Variants in ACTA1 observed in about 807,000 individuals in gnomAD.
ACTA1 encodes actin alpha 1, skeletal muscle.
A neutral mutation model predicts 35.8 loss-of-function variants in ACTA1; 25 were observed. That is an observed-to-expected ratio of 0.70 (90% CI 0.51 to 0.97). The LOEUF (loss-of-function observed/expected upper bound fraction) is 0.97. ACTA1 is among the 50% of genes least tolerant of loss of function. ACTA1 has a pLI of 0.00. For missense variants in ACTA1, 174 were observed against 533.0 expected, an observed-to-expected ratio of 0.33 and a Z score of 6.63; for synonymous variants, 219 against 217.1, an observed-to-expected ratio of 1.01 and a Z score of -0.08.
rs768081822 is a variant in ACTA1, at chr1:229,431,532, G to A, written c.1101C>T (p.Ala367=). The A allele has an allele frequency of 1.2e-5, 19 of 1,613,408 alleles. No homozygotes were observed. The highest frequency in any genetic ancestry group is 2.7e-5 in the African/African-American group (2 of 74,854). Residue 367 remains alanine, a synonymous_variant, in exon 7 of 7, where the codon GCC becomes GCT. Coordinates refer to ENST00000366684, the MANE Select transcript of ACTA1 (RefSeq NM_001100.4). This position sits in a 1 kb window ranked among gnomAD's most constrained non-coding sequence, Gnocchi z 7.1. Reference sequence around the variant, plus strand: ...ATTTGCGGTGGACGATGGAAGGGCCGGCCTCGTCGTACTCCTGCTTGGTGA... The same window carrying A: ...ATTTGCGGTGGACGATGGAAGGGCCAGCCTCGTCGTACTCCTGCTTGGTGA... ...MWITKQEYDE[A]GPSIVHRKCF
rs2070861 is a variant in ACTA1 at position 229,432,921 on chromosome 1, G to A, written c.130-41C>T. 3.1e-6 allele frequency: 5 copies of A among 1,613,874 alleles called. No individual in the cohort carries two copies. In the African/African-American group the frequency reaches 4.0e-5, roughly 13 times the overall value. The stretch of plus-strand genomic sequence containing the variant: ...ACCACGCACCCGTTAACGCCGCTCC[G>A]GGTGGCACCAGGCTGGCTTACGCGG... On this transcript the variant is annotated intron_variant, in intron 2 of 6. Transcript: ENST00000366684.
In ACTA1 at chr1:229,432,553, C is replaced by A. The variant is rs200976037; in HGVS notation, c.454+3G>T. The A allele has an allele frequency of 3.2e-5, 51 of 1,608,204 alleles. No individual in the cohort carries two copies. Among genetic ancestry groups the A allele is most frequent in the Middle Eastern group, 4.3e-4 (2 of 4,612 alleles). The stretch of plus-strand genomic sequence containing the variant: ...GAGGGGACTGGGGGCAGCGGGCACT[C>A]ACCGGTGGTCCTGCCGGAGGCGTAG... On this transcript the variant is annotated splice_donor_region_variant and intron_variant, in intron 3 of 6. Coordinates refer to ENST00000366684, the MANE Select transcript of ACTA1 (RefSeq NM_001100.4).
rs201427429 is a variant in ACTA1 at position 229,431,913 on chromosome 1, C to CG, written c.809-12dup. ...CCGCCGACTCCATACCTGGGGACCG[C>CG]GGCGGGGAGCGTGAGCAGAAGCTCG... On this transcript the variant is annotated splice_polypyrimidine_tract_variant and intron_variant, in intron 5 of 6. Transcript: ENST00000366684. This position sits in a 1 kb window ranked among gnomAD's most constrained non-coding sequence, Gnocchi z 7.1. 254,488 of 1,611,172 alleles carry CG rather than the reference C, an allele frequency of 0.16. 20,639 individuals are homozygous for CG. The highest frequency in any genetic ancestry group is 0.22 in the Middle Eastern group (1,318 of 5,930).
chr1:229,432,207 G>A lies in ACTA1; in HGVS notation c.617-22C>T, dbSNP rs1659958954. 3.7e-6 allele frequency: 6 copies of A among 1,613,242 alleles called. No homozygotes were observed. In the African/African-American group the frequency reaches 4.0e-5, roughly 11 times the overall value. ...TCAGCTGCGGAGGGCAGAAGCAGGA[G>A]AGGAGCCCTCACTCAGGGGCCGCCG... On this transcript the variant is annotated intron_variant, in intron 4 of 6. Coordinates refer to ENST00000366684, the MANE Select transcript of ACTA1 (RefSeq NM_001100.4).
chr1:229,433,183 C>A, intron 1 of ACTA1, 56 bp from the exon 2 acceptor site: 1 of 1,595,074 alleles, frequency 6.3e-7, no homozygotes, highest in Non-Finnish European at 8.5e-7. Flanking sequence ...GAAGTCTCAG[C>A]GGCAGGGGGG....
chr1:229,433,718 C>T (rs1351836160), intron 1 of ACTA1, among the ~76,000 whole-genome samples: 1 of 152,266 alleles, frequency 6.6e-6, no homozygotes. Context: ...TGGAAGGGAA[C>T]TGCCTTGGCG....
chr1:229,432,927 C>T (rs1659981960), intron 2 of ACTA1, 47 bp from the exon 3 acceptor site: 2 of 1,614,032 alleles, frequency 1.2e-6, no homozygotes, highest in Non-Finnish European at 1.7e-6. Flanking sequence ...CTCCGGGTGG[C>T]ACCAGGCTGG....
At position 229,431,960 on chromosome 1, in the gene ACTA1, C is replaced by G. The variant is rs1257875848; in HGVS notation, c.808+34G>C. 1 of 1,604,976 alleles carries G rather than the reference C, an allele frequency of 6.2e-7. No homozygotes were observed. The highest frequency in any genetic ancestry group is 1.3e-5 in the African/African-American group (1 of 74,622). On this transcript the variant is annotated intron_variant, in intron 5 of 6. Transcript: ENST00000366684. The surrounding 1 kb of genome is among the most constrained non-coding windows in gnomAD (Gnocchi z 7.1). ...CTCGGGGCGCCGGGGGCCGGCGGGG[C>G]CTGGGGGCCGGGGCGAGGGCGAGCG...
chr1:229,432,412 G>A lies in ACTA1; in HGVS notation c.474C>T (p.Gly158=), dbSNP rs1464573364. ...TGGGCACGTTGTGGGTGACGCCGTC[G>A]CCGGAGTCCAGCACGATGCCTGTGC... is the stretch of plus-strand genomic sequence containing the variant. The part of the protein sequence containing the change: ...GRTTGIVLDS[G]DGVTHNVPIY... The change falls in exon 4 of 7, where the codon GGC becomes GGT. Residue 158 remains glycine (G), a synonymous_variant. Transcript: ENST00000366684. 2 of 1,612,016 alleles carry A rather than the reference G, an allele frequency of 1.2e-6. No homozygotes were observed. The highest frequency in any genetic ancestry group is 1.7e-5 in the Admixed American group (1 of 59,954).
chr1:229,432,133 C>T lies in ACTA1; in HGVS notation c.669G>A (p.Leu223=). ...CCGTCGCCATCTCGTTCTCGAAGTCCAGGGCCACGTAGCACAGCTTCTCCT... is the reference window on the plus strand; with the variant it reads ...CCGTCGCCATCTCGTTCTCGAAGTCTAGGGCCACGTAGCACAGCTTCTCCT... ...DIKEKLCYVA[L]DFENEMATAA... The change falls in exon 5 of 7, where the codon CTG becomes CTA. Residue 223 remains leucine, a synonymous_variant. Coordinates refer to ENST00000366684, the MANE Select transcript of ACTA1 (RefSeq NM_001100.4). 1.2e-6 allele frequency: 2 copies of T among 1,613,548 alleles called. No individual in the cohort carries two copies. Among genetic ancestry groups the T allele is most frequent in the Non-Finnish European group, 1.7e-6 (2 of 1,179,894 alleles).
chr1:229,431,695 G>C lies in ACTA1; in HGVS notation c.990+26C>G, dbSNP rs201696359. On this transcript the variant is annotated intron_variant, in intron 6 of 6. Transcript: ENST00000366684. The surrounding 1 kb of genome is among the most constrained non-coding windows in gnomAD (Gnocchi z 7.1). ...ACCTCACCCTGGAGCCCACCCCGCCGACAGCCCGCGCAGGCCACCACCCAC... is the reference window on the plus strand; with the variant it reads ...ACCTCACCCTGGAGCCCACCCCGCCCACAGCCCGCGCAGGCCACCACCCAC... 3.1e-6 allele frequency: 5 copies of C among 1,614,062 alleles called. No individual in the cohort carries two copies. The highest frequency in any genetic ancestry group is 8.5e-7 in the Non-Finnish European group (1 of 1,179,998).
Position 229,431,916 on chromosome 1 carries a change from C to A in ACTA1, c.809-14G>T, listed in dbSNP as rs6673359. 5 of 1,611,734 alleles carry A rather than the reference C, an allele frequency of 3.1e-6. No homozygotes were observed. The highest frequency in any genetic ancestry group is 1.3e-5 in the African/African-American group (1 of 74,684). On this transcript the variant is annotated splice_polypyrimidine_tract_variant and intron_variant, in intron 5 of 6. Coordinates refer to ENST00000366684, the MANE Select transcript of ACTA1 (RefSeq NM_001100.4). This position sits in a 1 kb window ranked among gnomAD's most constrained non-coding sequence, Gnocchi z 7.1. Reference sequence around the variant, plus strand: ...CCGACTCCATACCTGGGGACCGCGGCGGGGAGCGTGAGCAGAAGCTCGGGG... The same window carrying A: ...CCGACTCCATACCTGGGGACCGCGGAGGGGAGCGTGAGCAGAAGCTCGGGG...
chr1:229,431,533 G>A lies in ACTA1; in HGVS notation c.1100C>T (p.Ala367Val), dbSNP rs1281823855. The A allele has an allele frequency of 5.6e-6, 9 of 1,613,576 alleles. No individual in the cohort carries two copies. The highest frequency in any genetic ancestry group is 7.6e-6 in the Non-Finnish European group (9 of 1,180,024). The change falls in exon 7 of 7, where the codon GCC becomes GTC. Residue 367 changes from alanine (A) to valine (V), a missense_variant. By Grantham distance (64) the Ala-to-Val change is moderately conservative. Transcript: ENST00000366684. The surrounding 1 kb of genome is among the most constrained non-coding windows in gnomAD (Gnocchi z 7.1). ...TTTGCGGTGGACGATGGAAGGGCCG[G>A]CCTCGTCGTACTCCTGCTTGGTGAT... Reference protein sequence around the residue: ...MWITKQEYDEAGPSIVHRKCF With the variant: ...MWITKQEYDEVGPSIVHRKCF
chr1:229,431,273 T>C lies in ACTA1; in HGVS notation c.*226A>G. 1.5e-6 allele frequency: 1 copy of C among 646,952 alleles called. No individual in the cohort carries two copies. Among genetic ancestry groups the C allele is most frequent in the Non-Finnish European group, 2.7e-6 (1 of 374,642 alleles). 40.1% of individuals were successfully genotyped at this position (646,952 alleles called of 1,614,324 possible). A position where few individuals can be genotyped will look rare whatever the true frequency, so the allele number is the denominator to read the frequency against. ...ACGCAGCTTAACAGAATGACTTTAA[T>C]GCTTCTTCAAGTTTTCCATTTTCTT... On this transcript the variant is annotated 3_prime_UTR_variant, in exon 7 of 7. Transcript: ENST00000366684. This position sits in a 1 kb window ranked among gnomAD's most constrained non-coding sequence, Gnocchi z 7.1.
rs76030344 is a variant in ACTA1, at chr1:229,432,557, G to T, written c.453C>A (p.Thr151=). The T allele has an allele frequency of 1.7e-3, 2,802 of 1,609,510 alleles. 48 individuals carry two copies. In the African/African-American group the frequency reaches 0.033, roughly 19 times the overall value. The part of the protein sequence containing the change: ...VLSLYASGRT[T]GIVLDSGDGV... ...GGACTGGGGGCAGCGGGCACTCACC[G>T]GTGGTCCTGCCGGAGGCGTAGAGGG... is the stretch of plus-strand genomic sequence containing the variant. The change falls in exon 3 of 7, where the codon ACC becomes ACA. Residue 151 remains threonine, a splice_region_variant and synonymous_variant. Coordinates refer to ENST00000366684, the MANE Select transcript of ACTA1 (RefSeq NM_001100.4).
In ACTA1 at chr1:229,431,380, C is replaced by T; in HGVS notation, c.*119G>A. 1.5e-6 allele frequency: 2 copies of T among 1,351,738 alleles called. No individual in the cohort carries two copies. Among genetic ancestry groups the T allele is most frequent in the Non-Finnish European group, 2.1e-6 (2 of 944,916 alleles). 83.7% of individuals were successfully genotyped at this position (1,351,738 alleles called of 1,614,324 possible). A position where few individuals can be genotyped will look rare whatever the true frequency, so the allele number is the denominator to read the frequency against. ...ACGTTATAAACACTGTGTCAGTTTACGATGGCAGCAACGGAAGTTGTTACA... is the reference window on the plus strand; with the variant it reads ...ACGTTATAAACACTGTGTCAGTTTATGATGGCAGCAACGGAAGTTGTTACA... On this transcript the variant is annotated 3_prime_UTR_variant, in exon 7 of 7. Transcript: ENST00000366684. This position sits in a 1 kb window ranked among gnomAD's most constrained non-coding sequence, Gnocchi z 7.1.
chr1:229,431,920 G>GT lies in ACTA1; in HGVS notation c.809-19_809-18insA, dbSNP rs1659946693. On this transcript the variant is annotated intron_variant, in intron 5 of 6. Transcript: ENST00000366684. This position sits in a 1 kb window ranked among gnomAD's most constrained non-coding sequence, Gnocchi z 7.1. ...CTCCATACCTGGGGACCGCGGCGGG[G>GT]AGCGTGAGCAGAAGCTCGGGGCGCC... 2 of 1,610,472 alleles carry GT rather than the reference G, an allele frequency of 1.2e-6. No individual in the cohort carries two copies. The highest frequency in any genetic ancestry group is 1.7e-6 in the Non-Finnish European group (2 of 1,178,434).
In ACTA1 at chr1:229,431,447, C is replaced by CA; in HGVS notation, c.*51dup. ...GGTGGCTGGAGCTCAGCCGCCCCCC[C>CA]ATTGAGAAGATTCGTCGTCCTGAGA... On this transcript the variant is annotated 3_prime_UTR_variant, in exon 7 of 7. Coordinates refer to ENST00000366684, the MANE Select transcript of ACTA1 (RefSeq NM_001100.4). The surrounding 1 kb of genome is among the most constrained non-coding windows in gnomAD (Gnocchi z 7.1). The CA allele has an allele frequency of 6.2e-7, 1 of 1,611,978 alleles. No homozygotes were observed. The highest frequency in any genetic ancestry group is 2.2e-5 in the East Asian group (1 of 44,876).
chr1:229,433,250 G>T, intron 1 of ACTA1, 123 bp from the exon 2 acceptor site: 1 of 1,389,296 alleles, frequency 7.2e-7, no homozygotes, highest in Non-Finnish European at 1.0e-6. Flanking sequence ...GACATCTCCT[G>T]CCGGAGCCAC....
Sources: gnomAD v4.1 joint callset for allele counts (sites outside exome capture counted in the v4.1 genomes callset) on GRCh38, gnomAD v4.1.1 for gene constraint, Gnocchi (gnomAD v3.1) non-coding constraint, MANE v1.5 for transcripts, NCBI Gene and HGNC (gene_info 2026-07-23, HGNC 2026-07-21) for gene names.